The following ACSS3 variants were observed in gnomAD, a reference collection of about 807,000 sequenced individuals.
The protein encoded by ACSS3 is acyl-CoA synthetase short-chain family member 3, mitochondrial.
ACSS3 carries 64 observed loss-of-function variants against 84.2 expected under a neutral mutation model. The ratio of observed to expected loss-of-function variants is 0.76; its 90% confidence interval spans 0.62 to 0.94. The LOEUF is 0.94. ACSS3 is among the 40% of genes least tolerant of loss of function. The pLI is 0.00. For missense variants in ACSS3, 815 were observed against 867.6 expected (o/e 0.94, Z 0.76); for synonymous variants, 317 against 310.1 (o/e 1.02, Z -0.23).
intron 3 of ACSS3, among the ~76,000 whole-genome samples, chr12:81,137,177 G>A (rs1003657249): frequency 8.6e-5 from 13 of 150,508 alleles, no homozygotes; most frequent in Admixed American, 7.3e-4. Context: ...TAATGCCTAT[G>A]AAGAAAATCT....
At chr12:81,137,227 T>C (rs956933229) in intron 3 of ACSS3, among the ~76,000 whole-genome samples, 4 of 151,508 alleles carry the variant, frequency 2.6e-5, no homozygotes, top group South Asian at 4.2e-4. Flanking sequence ...AAAGAAACTG[T>C]AAAAAATTTT....
chr12:81,211,688 A>T (rs976632424), intron 9 of ACSS3, among the ~76,000 whole-genome samples: 1 of 152,190 alleles, frequency 6.6e-6, no homozygotes, highest in Non-Finnish European at 1.5e-5. Flanking sequence ...AATAAATTAA[A>T]CATGGACATA....
At chr12:81,135,174 C>T (rs1018665599) in intron 3 of ACSS3, among the ~76,000 whole-genome samples, 170 bp downstream of exon 3, 8 of 150,590 alleles carry the variant, frequency 5.3e-5, no homozygotes, top group African/African-American at 2.0e-4. Context: ...AAAAAGACGC[C>T]TACATGCATA....
chr12:81,102,206 A>C (rs1882573252), intron 1 of ACSS3, among the ~76,000 whole-genome samples: 1 of 152,174 alleles, frequency 6.6e-6, no homozygotes, highest in Admixed American at 6.5e-5. Flanking sequence ...TTGTCAGTTA[A>C]TGGAGGTTTT....
chr12:81,128,462 T>C (rs1270238587), intron 2 of ACSS3, among the ~76,000 whole-genome samples: 1 of 152,190 alleles, frequency 6.6e-6, no homozygotes, highest in Non-Finnish European at 1.5e-5. Context: ...ATTGGTAGCA[T>C]AGTATCCTCA....
chr12:81,146,663 C>T (rs1476382801), intron 5 of ACSS3, among the ~76,000 whole-genome samples: 3 of 152,294 alleles, frequency 2.0e-5, no homozygotes, highest in African/African-American at 7.2e-5. Flanking sequence ...CCAGCAACCA[C>T]ATGTGAGCTT....
Position 81,092,513 on chromosome 12 carries a change from C to T in ACSS3, c.311+14082C>T, listed in dbSNP as rs117022484. The stretch of plus-strand genomic sequence containing the variant: ...AGGTGTGAAAAACTAGAGCACATAG[C>T]GTTCCATTTTGGTGAACAGTGGCCA... On this transcript the variant is annotated intron_variant, in intron 1 of 15. Coordinates refer to ENST00000548058, the MANE Select transcript of ACSS3 (RefSeq NM_024560.4). Among the ~76,000 whole-genome samples, 584 of 152,176 alleles carry T rather than the reference C, an allele frequency of 3.8e-3. 2 individuals are homozygous for T. Among genetic ancestry groups the T allele is most frequent in the Admixed American group, 6.2e-3 (95 of 15,278 alleles).
At chr12:81,241,968 A>G (rs2033821443) in intron 13 of ACSS3, among the ~76,000 whole-genome samples, 1 of 152,120 alleles carries the variant, frequency 6.6e-6, no homozygotes, top group Non-Finnish European at 1.5e-5. Context: ...TTATGGTTTT[A>G]GGTCTAACGT....
At chr12:81,149,747 G>T (rs890682754) in intron 5 of ACSS3, among the ~76,000 whole-genome samples, 7 of 152,120 alleles carry the variant, frequency 4.6e-5, no homozygotes, top group Non-Finnish European at 1.0e-4. Flanking sequence ...TTTTAAATGA[G>T]AATCTTTGAC....
intron 8 of ACSS3, among the ~76,000 whole-genome samples, chr12:81,180,474 T>G (rs2030846905): frequency 7.0e-6 from 1 of 142,672 alleles, no homozygotes; most frequent in East Asian, 1.9e-4. Context: ...TATATCTATA[T>G]CTATCTATCC....
intron 11 of ACSS3, among the ~76,000 whole-genome samples, chr12:81,223,706 A>C (rs1565730024): frequency 6.6e-6 from 1 of 152,012 alleles, no homozygotes; most frequent in Non-Finnish European, 1.5e-5. Flanking sequence ...GGGAGATAAA[A>C]ATAACTTCAT....
chr12:81,187,144 A>C (rs2135860268), intron 8 of ACSS3, among the ~76,000 whole-genome samples: 1 of 88,192 alleles, frequency 1.1e-5, no homozygotes, highest in African/African-American at 3.1e-5. Flanking sequence ...TTAAATTTTA[A>C]AACAACAACA....
At chr12:81,210,215 C>A (rs1306989178) in intron 9 of ACSS3, among the ~76,000 whole-genome samples, 3 of 152,234 alleles carry the variant, frequency 2.0e-5, no homozygotes, top group Admixed American at 1.3e-4. Context: ...GAAACCTAAT[C>A]CTAAGGGTCG....
intron 1 of ACSS3, among the ~76,000 whole-genome samples, chr12:81,089,646 G>T (rs542296904): frequency 1.3e-5 from 2 of 152,036 alleles, no homozygotes; most frequent in South Asian, 4.1e-4. Flanking sequence ...TTATTCTCTA[G>T]CTTGTTACTG....
chr12:81,177,690 G>T (rs892610561), intron 8 of ACSS3, among the ~76,000 whole-genome samples: 4 of 152,138 alleles, frequency 2.6e-5, no homozygotes, highest in African/African-American at 9.7e-5. Flanking sequence ...AGACATTTAT[G>T]CAGCCAAAAA....
intron 9 of ACSS3, among the ~76,000 whole-genome samples, chr12:81,200,423 T>C (rs372891975): frequency 1.3e-5 from 2 of 152,208 alleles, no homozygotes; most frequent in Non-Finnish European, 2.9e-5. Context: ...CAAATTTGGG[T>C]TAAAAATTAG....
intron 1 of ACSS3, among the ~76,000 whole-genome samples, chr12:81,083,142 T>C: frequency 6.6e-6 from 1 of 152,154 alleles, no homozygotes; most frequent in East Asian, 1.9e-4. Context: ...CTTGTCTGAG[T>C]TGCTGGGACT....
At position 81,258,240 on chromosome 12, in the gene ACSS3, T is replaced by C. The variant is rs1192495303; in HGVS notation, c.*3318T>C. ...AGTAAATTGTCGAGCCTTATGTGAC[T>C]AGAAAACAAAGCTTAAACAGAGAAC... On this transcript the variant is annotated 3_prime_UTR_variant, in exon 16 of 16. Coordinates refer to ENST00000548058, the MANE Select transcript of ACSS3 (RefSeq NM_024560.4). 1.3e-5 allele frequency: 2 copies of C among 152,152 alleles called. No homozygotes were observed. Among genetic ancestry groups the C allele is most frequent in the Non-Finnish European group, 2.9e-5 (2 of 68,008 alleles). 9.4% of individuals were successfully genotyped at this position (152,152 alleles called of 1,614,324 possible).
chr12:81,083,108 A>C (rs532101803), intron 1 of ACSS3, among the ~76,000 whole-genome samples: 10 of 152,338 alleles, frequency 6.6e-5, no homozygotes, highest in Admixed American at 5.2e-4. Context: ...GGATAGTTAT[A>C]GTAGACCAGC....
Sources: allele counts gnomAD v4.1 joint callset (sites outside exome capture counted in the v4.1 genomes callset), GRCh38; gene constraint gnomAD v4.1.1; transcripts MANE v1.5; gene names NCBI Gene and HGNC (gene_info 2026-07-23, HGNC 2026-07-21).